Variants in SLC6A15 observed in about 807,000 individuals in gnomAD.
SLC6A15 encodes sodium-dependent neutral amino acid transporter B(0)AT2.
In SLC6A15, 33 loss-of-function variants were observed where a neutral mutation model predicts 68.5. That is an observed-to-expected ratio of 0.48 (90% CI 0.37 to 0.64). The LOEUF (loss-of-function observed/expected upper bound fraction) is 0.64, where lower values mean the gene tolerates loss of function less well. Among genes scored for constraint, SLC6A15 ranks in the 30% least tolerant of loss-of-function variants. The pLI is 0.00. For synonymous variants in SLC6A15, 347 were observed against 301.0 expected (o/e 1.15, Z -1.58); for missense variants, 747 against 874.3 (o/e 0.85, Z 1.84).
chr12:84,864,619 C>T (rs1870992682), intron 10 of SLC6A15, among the ~76,000 whole-genome samples: 1 of 151,988 alleles, frequency 6.6e-6, no homozygotes, highest in Non-Finnish European at 1.5e-5. Flanking sequence ...CACACCTGGC[C>T]CAGTCTTAAT....
At chr12:84,885,207 A>G (rs993158190) in intron 4 of SLC6A15, among the ~76,000 whole-genome samples, 5 of 152,132 alleles carry the variant, frequency 3.3e-5, no homozygotes, top group African/African-American at 7.2e-5. Flanking sequence ...CTTTACCCTA[A>G]TATCTTAGGG....
At chr12:84,879,354 C>A (rs1009760716) in intron 5 of SLC6A15, among the ~76,000 whole-genome samples, 1 of 151,528 alleles carries the variant, frequency 6.6e-6, no homozygotes, top group Admixed American at 6.6e-5. Flanking sequence ...GAGACCGAGT[C>A]TCACTCTGTC....
Position 84,862,001 on chromosome 12 carries a change from A to G in SLC6A15, c.1824T>C (p.Ser608=). The G allele has an allele frequency of 6.3e-7, 1 of 1,578,686 alleles. No homozygotes were observed. ...ATGTTGGATAGCTCAGAAATTCTTC[A>G]GATGCCTGTTAAAGAAGAAAATAAT... ...GYNAWIEDKA[S]EEFLSYPTWG... Residue 608 remains serine (S), a synonymous_variant, in exon 12 of 12, where the codon TCT becomes TCC. Coordinates refer to ENST00000266682, the MANE Select transcript of SLC6A15 (RefSeq NM_182767.6).
Position 84,876,590 on chromosome 12 carries a change from AG to A in SLC6A15, c.773del (p.Ser258PhefsTer18). 6.4e-7 allele frequency: 1 copy of A among 1,559,590 alleles called. No individual in the cohort carries two copies. The highest frequency in any genetic ancestry group is 8.7e-7 in the Non-Finnish European group (1 of 1,144,502). ...QSSGKIIYFS[S>X]LFPYVVLICF... is the part of the protein sequence containing the mutation. ...AAATAAGTACCACATATGGAAACAG[AG>A]AACTAAAATATATGATCTGCAAAGA... is the stretch of plus-strand genomic sequence containing the variant. On this transcript the variant is annotated frameshift_variant, in exon 6 of 12. Coordinates refer to ENST00000266682, the MANE Select transcript of SLC6A15 (RefSeq NM_182767.6). LOFTEE classifies it high-confidence loss of function.
Position 84,912,662 on chromosome 12 carries a change from G to C in SLC6A15, c.-328C>G, listed in dbSNP as rs1409916393. On this transcript the variant is annotated 5_prime_UTR_variant, in exon 1 of 12. Coordinates refer to ENST00000266682, the MANE Select transcript of SLC6A15 (RefSeq NM_182767.6). ...TGGCAGAGAAGCAGCTTCTTGCCTA[G>C]GTTGGGACCCGGAGCTGGGTTTTGG... 6.5e-6 allele frequency: 1 copy of C among 152,702 alleles called. No homozygotes were observed. The highest frequency in any genetic ancestry group is 1.5e-5 in the Non-Finnish European group (1 of 68,488). The allele number at this position is 152,702 out of a possible 1,614,324, so 9.5% of individuals were successfully genotyped here. A position where few individuals can be genotyped will look rare whatever the true frequency, so the allele number is the denominator to read the frequency against.
chr12:84,884,575 G>T (rs756786762), intron 4 of SLC6A15, among the ~76,000 whole-genome samples: 62 of 151,940 alleles, frequency 4.1e-4, no homozygotes, highest in Middle Eastern at 3.2e-3. Context: ...CAAAGTGCTG[G>T]GATTACAGGA....
chr12:84,869,877 T>TA (rs1734882579), intron 9 of SLC6A15, among the ~76,000 whole-genome samples: 1 of 152,320 alleles, frequency 6.6e-6, no homozygotes, highest in South Asian at 2.1e-4. Flanking sequence ...ATATCTCTTA[T>TA]AATTTATTTT....
intron 5 of SLC6A15, among the ~76,000 whole-genome samples, chr12:84,877,030 C>A (rs765722082): frequency 6.6e-6 from 1 of 152,142 alleles, no homozygotes. Context: ...TTCTGTAAAG[C>A]TTTCAATGCA....
chr12:84,883,425 C>G, intron 5 of SLC6A15: 8 of 1,067,678 alleles, frequency 7.5e-6, no homozygotes, highest in Non-Finnish European at 9.1e-6. Flanking sequence ...ATGTCTTATG[C>G]AGCTATTCCT....
chr12:84,872,962 A>G (rs574708368), intron 7 of SLC6A15, 125 bp downstream of exon 7: 84 of 1,294,022 alleles, frequency 6.5e-5, no homozygotes, highest in Non-Finnish European at 8.5e-5. Flanking sequence ...ACCATTATAC[A>G]TTGTATGTTT....
rs67339994 is a variant in SLC6A15 at position 84,895,339 on chromosome 12, A to ATTTTTTTTTTTT, written c.-188-3043_-188-3032dup. ...CTTAGATGTTTTCATTTTTGTTTGT[A>ATTTTTTTTTTTT]TTTTTTTTTTTTTTTTTTTTTTTTT... On this transcript the variant is annotated intron_variant, in intron 1 of 11. Transcript: ENST00000266682. Among the ~76,000 whole-genome samples the ATTTTTTTTTTTT allele has an allele frequency of 4.4e-3, 240 of 54,784 alleles. 11 individuals are homozygous for ATTTTTTTTTTTT. Among genetic ancestry groups the ATTTTTTTTTTTT allele is most frequent in the Middle Eastern group, 0.019 (1 of 52 alleles). 35.9% of individuals were successfully genotyped at this position (54,784 alleles called of 152,430 possible).
chr12:84,873,161 A>C lies in SLC6A15; in HGVS notation c.1035T>G (p.Ser345=), dbSNP rs1476635874. ...CAAACACCACCAATGTTGCCAGGAC[A>C]GAAGTGAAAAAATTGATGAAGGACA... is the stretch of plus-strand genomic sequence containing the variant. The part of the protein sequence containing the change: ...VLVSFINFFT[S]VLATLVVFAV... Residue 345 remains serine, a synonymous_variant, in exon 7 of 12, where the codon TCT becomes TCG. Transcript: ENST00000266682. 5 of 1,614,010 alleles carry C rather than the reference A, an allele frequency of 3.1e-6. No homozygotes were observed. The highest frequency in any genetic ancestry group is 4.2e-6 in the Non-Finnish European group (5 of 1,180,012).
intron 6 of SLC6A15, among the ~76,000 whole-genome samples, chr12:84,874,247 C>A (rs758151836): frequency 6.6e-6 from 1 of 151,392 alleles, no homozygotes; most frequent in South Asian, 2.1e-4. Flanking sequence ...CAAACAATGG[C>A]AAATGGCGTG....
At chr12:84,902,717 T>A (rs966492673) in intron 1 of SLC6A15, among the ~76,000 whole-genome samples, 1 of 152,002 alleles carries the variant, frequency 6.6e-6, no homozygotes, top group South Asian at 2.1e-4. Context: ...AAGGAAATGA[T>A]ACTCAGTGAA....
At chr12:84,884,397 C>G (rs1015111229) in intron 4 of SLC6A15, among the ~76,000 whole-genome samples, 2 of 152,040 alleles carry the variant, frequency 1.3e-5, no homozygotes, top group Non-Finnish European at 2.9e-5. Flanking sequence ...CCTCTGCCTC[C>G]CGGATTCAAG....
chr12:84,896,519 C>G (rs1872645083), intron 1 of SLC6A15, among the ~76,000 whole-genome samples: 1 of 152,232 alleles, frequency 6.6e-6, no homozygotes, highest in African/African-American at 2.4e-5. Context: ...CATTTGCCAA[C>G]CTCTCTTTCA....
chr12:84,891,767 G>T, intron 2 of SLC6A15, 65 bp downstream of exon 2: 1 of 1,403,756 alleles, frequency 7.1e-7, no homozygotes, highest in East Asian at 2.3e-5. Context: ...AGCAATAATA[G>T]GAGCTATTTG....
rs1870847011 is a variant in SLC6A15 at position 84,861,532 on chromosome 12, G to A, written c.*100C>T. 7.4e-7 allele frequency: 1 copy of A among 1,342,594 alleles called. No individual in the cohort carries two copies. Among genetic ancestry groups the A allele is most frequent in the Non-Finnish European group, 1.0e-6 (1 of 981,116 alleles). The allele number at this position is 1,342,594 out of a possible 1,614,324, so 83.2% of individuals were successfully genotyped here. On this transcript the variant is annotated 3_prime_UTR_variant, in exon 12 of 12. Coordinates refer to ENST00000266682, the MANE Select transcript of SLC6A15 (RefSeq NM_182767.6). ...TAAAGATCACAGCCACGGAACACCT[G>A]AGATTGCCCTCTGATAAGTGAAGCC...
At chr12:84,888,692 A>C (rs1010683936) in intron 2 of SLC6A15, among the ~76,000 whole-genome samples, 5 of 152,168 alleles carry the variant, frequency 3.3e-5, no homozygotes, top group Non-Finnish European at 5.9e-5. Context: ...GGGTACATTA[A>C]AATCTCTGAA....
Sources: gnomAD v4.1 joint callset for allele counts (sites outside exome capture counted in the v4.1 genomes callset) on GRCh38, gnomAD v4.1.1 for gene constraint, MANE v1.5 for transcripts, NCBI Gene and HGNC (gene_info 2026-07-23, HGNC 2026-07-21) for gene names.